SCIN: variants seen among roughly 807,000 people sequenced by gnomAD.
The protein encoded by SCIN is adseverin.
A neutral mutation model predicts 91.8 loss-of-function variants in SCIN; 91 were observed. The ratio of observed to expected loss-of-function variants is 0.99; its 90% CI spans 0.84 to 1.18. The LOEUF (loss-of-function observed/expected upper bound fraction) is 1.18, where lower values mean the gene tolerates loss of function less well. SCIN is among the 50% of genes most tolerant of loss of function. SCIN has a pLI of 0.00. For synonymous variants in SCIN, 367 were observed against 312.6 expected, an observed-to-expected ratio of 1.17 and a Z score of -1.84; for missense variants, 1,087 against 863.9, an observed-to-expected ratio of 1.26 and a Z score of -3.24.
intron 4 of SCIN, among the ~76,000 whole-genome samples, chr7:12,620,062 CAA>C (rs1783376443): frequency 6.6e-6 from 1 of 151,626 alleles, no homozygotes; most frequent in African/African-American, 2.4e-5. Flanking sequence ...ATATATCTAT[CAA>C]ATGATAGACA....
chr7:12,600,088 A>C lies in SCIN; in HGVS notation c.517-4426A>C, dbSNP rs541142892. Among the ~76,000 whole-genome samples, 6 of 152,280 alleles carry C rather than the reference A, an allele frequency of 3.9e-5. No individual in the cohort carries two copies. The South Asian group carries it at 1.2e-3, about 32-fold the overall frequency. On this transcript the variant is annotated intron_variant, in intron 3 of 15. Transcript: ENST00000297029. ...TTCTTGGTCATGAAGTCTTTGCTTA[A>C]GCCAATGTCTAGAAAGGTTTTTCCA...
intron 7 of SCIN, 78 bp downstream of exon 7, chr7:12,625,928 A>C: frequency 9.5e-7 from 1 of 1,052,042 alleles, no homozygotes; most frequent in Non-Finnish European, 1.4e-6. Flanking sequence ...CTCATGAAAA[A>C]GTTTGGGTCA....
At chr7:12,582,816 A>G (rs1447122070) in intron 3 of SCIN, among the ~76,000 whole-genome samples, 1 of 152,180 alleles carries the variant, frequency 6.6e-6, no homozygotes, top group Non-Finnish European at 1.5e-5. Context: ...ACAGCCACAC[A>G]GTTCCGAAAG....
intron 4 of SCIN, among the ~76,000 whole-genome samples, chr7:12,609,188 G>A (rs117330437): frequency 6.6e-6 from 1 of 152,106 alleles, no homozygotes; most frequent in African/African-American, 2.4e-5. Flanking sequence ...ACTGTCTGGG[G>A]AAACAGGATG....
intron 2 of SCIN, 73 bp from the exon 3 acceptor site, chr7:12,580,987 T>C: frequency 2.1e-6 from 3 of 1,461,080 alleles, no homozygotes; most frequent in Non-Finnish European, 2.8e-6. Context: ...TTATTGTGCT[T>C]TGCTTTGTCT....
chr7:12,631,923 T>C (rs879484579), intron 9 of SCIN, among the ~76,000 whole-genome samples: 2 of 152,016 alleles, frequency 1.3e-5, no homozygotes, highest in Non-Finnish European at 2.9e-5. Flanking sequence ...TCATAGAGTA[T>C]GGCTGAAGAA....
At chr7:12,597,961 C>G (rs1311047341) in intron 3 of SCIN, among the ~76,000 whole-genome samples, 2 of 152,086 alleles carry the variant, frequency 1.3e-5, no homozygotes, top group African/African-American at 4.8e-5. Context: ...TTCATATTTA[C>G]AGGGCTTTTT....
rs1457969021 is a variant in SCIN at position 12,651,980 on chromosome 7, T to C, written c.2020+79T>C. On this transcript the variant is annotated intron_variant, in intron 15 of 15. Transcript: ENST00000297029. The surrounding 1 kb of genome is among the most constrained non-coding windows in gnomAD (Gnocchi z 5.9). ...GTGTCTGGCTTGCTCTTTGCCACCA[T>C]GTCTTACAAAAATACATTTCAAAAT... is the stretch of plus-strand genomic sequence containing the variant. 25 of 904,660 alleles carry C rather than the reference T, an allele frequency of 2.8e-5. No homozygotes were observed. The highest frequency in any genetic ancestry group is 4.9e-5 in the Admixed American group (2 of 41,170). 56.0% of individuals were successfully genotyped at this position (904,660 alleles called of 1,614,324 possible). A position where few individuals can be genotyped will look rare whatever the true frequency, so the allele number is the denominator to read the frequency against.
intron 8 of SCIN, among the ~76,000 whole-genome samples, chr7:12,628,180 A>G (rs1583309574): frequency 6.6e-6 from 1 of 152,018 alleles, no homozygotes; most frequent in East Asian, 1.9e-4. Context: ...TGTGCTGAAG[A>G]TGAGGAGGCA....
rs376426782 is a variant in SCIN at position 12,644,271 on chromosome 7, T to C, written c.1715T>C (p.Val572Ala). 1.4e-5 allele frequency: 22 copies of C among 1,599,622 alleles called. No homozygotes were observed. The highest frequency in any genetic ancestry group is 1.6e-4 in the Middle Eastern group (1 of 6,064). The change falls in exon 12 of 16, where the codon GTC becomes GCC. Residue 572 changes from valine to alanine, a missense_variant. Coordinates refer to ENST00000297029, the MANE Select transcript of SCIN (RefSeq NM_001112706.3). ...EEKGAEYVAS[V>A]LKCKTLRIQE... ...AAAGGAGCAGAGTATGTAGCAAGTG[T>C]CCTAAAGTGCAAAACCTTAAGGATC...
rs115916835 is a variant in SCIN, at chr7:12,615,629, T to C, written c.667-7172T>C. ...TCAACTGGCTTACCCCTTTGTTTTT[T>C]ATCTCTTACCATTAGCATTCAGCCC... On this transcript the variant is annotated intron_variant, in intron 4 of 15. Transcript: ENST00000297029. 4.0e-3 allele frequency among the ~76,000 whole-genome samples: 607 copies of C among 152,256 alleles called. 3 individuals carry two copies. The highest frequency in any genetic ancestry group is 0.014 in the African/African-American group (580 of 41,550).
intron 4 of SCIN, among the ~76,000 whole-genome samples, chr7:12,608,710 C>T (rs1039591002): frequency 1.3e-5 from 2 of 152,158 alleles, no homozygotes; most frequent in African/African-American, 4.8e-5. Flanking sequence ...AACTCCTGAC[C>T]TTGTGATCCG....
chr7:12,619,850 C>T (rs938045291), intron 4 of SCIN, among the ~76,000 whole-genome samples: 24 of 152,128 alleles, frequency 1.6e-4, no homozygotes, highest in Non-Finnish European at 3.4e-4. Context: ...CACCATAGAC[C>T]TGTTTATTTA....
chr7:12,629,526 C>A (rs1783600808), intron 9 of SCIN, among the ~76,000 whole-genome samples: 1 of 152,122 alleles, frequency 6.6e-6, no homozygotes, highest in Non-Finnish European at 1.5e-5. Context: ...CAGGTTAACA[C>A]TGCAACAGCA....
chr7:12,612,918 T>G (rs559718628), intron 4 of SCIN, among the ~76,000 whole-genome samples: 43 of 152,292 alleles, frequency 2.8e-4, no homozygotes, highest in African/African-American at 1.0e-3. Context: ...AAGGTACCAC[T>G]GTTATATTAA....
intron 4 of SCIN, among the ~76,000 whole-genome samples, chr7:12,606,332 T>A (rs1242072798): frequency 6.6e-6 from 1 of 152,260 alleles, no homozygotes; most frequent in Non-Finnish European, 1.5e-5. Context: ...AATTTTAGAT[T>A]TGCATTTAAA....
chr7:12,606,648 A>G (rs973181616), intron 4 of SCIN, among the ~76,000 whole-genome samples: 1 of 152,208 alleles, frequency 6.6e-6, no homozygotes, highest in Non-Finnish European at 1.5e-5. Context: ...ATATGTGTAT[A>G]TAGCTCTGTA....
intron 3 of SCIN, among the ~76,000 whole-genome samples, chr7:12,586,068 C>T (rs937031745): frequency 1.5e-4 from 23 of 152,074 alleles, no homozygotes; most frequent in African/African-American, 4.8e-4. Flanking sequence ...ATTGCTTGTC[C>T]ATTTACTTAT....
chr7:12,617,101 T>C (rs1252147273), intron 4 of SCIN, among the ~76,000 whole-genome samples: 2 of 152,070 alleles, frequency 1.3e-5, no homozygotes, highest in African/African-American at 4.8e-5. Flanking sequence ...AGTCCAGTGG[T>C]AAAATCATTA....
Sources: gnomAD v4.1 joint callset for allele counts (sites outside exome capture counted in the v4.1 genomes callset) on GRCh38, gnomAD v4.1.1 for gene constraint, Gnocchi (gnomAD v3.1) non-coding constraint, MANE v1.5 for transcripts, NCBI Gene and HGNC (gene_info 2026-07-23, HGNC 2026-07-21) for gene names.